COL11A2: variants seen among roughly 807,000 people sequenced by gnomAD.
COL11A2 encodes the protein collagen alpha-2(XI) chain.
A neutral mutation model predicts 273.4 loss-of-function variants in COL11A2; 116 were observed. The ratio of observed to expected loss-of-function variants is 0.42; its 90% CI spans 0.36 to 0.49. The LOEUF is 0.49. Among genes scored for constraint, COL11A2 ranks in the 20% least tolerant of loss-of-function variants. COL11A2 has a pLI of 0.00. For synonymous variants in COL11A2, 782 were observed against 864.2 expected (o/e 0.90, Z 1.67); for missense variants, 1,866 against 2,309.0 (o/e 0.81, Z 3.93).
At chr6:33,174,482 G>A (rs1367844868) in intron 31 of COL11A2, 45 bp downstream of exon 31, 2 of 1,605,288 alleles carry the variant, frequency 1.2e-6, no homozygotes, top group South Asian at 2.2e-5. Flanking sequence ...GAAGCGAAGA[G>A]GAGGAGGGAA....
rs781684563 is a variant in COL11A2, at chr6:33,173,342, A to T, written c.2736+6T>A. ...CTGAGAATGGGTAGCCAGGAGCATCACTCACCACTTCTCCTCTTTGGCCTG... is the reference window on the plus strand; with the variant it reads ...CTGAGAATGGGTAGCCAGGAGCATCTCTCACCACTTCTCCTCTTTGGCCTG... On this transcript the variant is annotated splice_donor_region_variant and intron_variant, in intron 37 of 65. Transcript: ENST00000341947. This position sits in a 1 kb window ranked among gnomAD's most constrained non-coding sequence, Gnocchi z 6.3. 6.2e-6 allele frequency: 10 copies of T among 1,611,106 alleles called. No individual in the cohort carries two copies. Among genetic ancestry groups the T allele is most frequent in the African/African-American group, 1.3e-5 (1 of 74,526 alleles).
In COL11A2 at chr6:33,179,056, A is replaced by AC. The variant is rs34690898; in HGVS notation, c.1611+16dup. Reference sequence around the variant, plus strand: ...CCCTGTCTCCCCACAACACCCATCCACCCCTGGGGCACTCACCCTTCGCCC... The same window carrying AC: ...CCCTGTCTCCCCACAACACCCATCCACCCCCTGGGGCACTCACCCTTCGCCC... On this transcript the variant is annotated intron_variant, in intron 16 of 65. Transcript: ENST00000341947. This position sits in a 1 kb window ranked among gnomAD's most constrained non-coding sequence, Gnocchi z 6.4. The AC allele has an allele frequency of 6.2e-7, 1 of 1,612,864 alleles. No individual in the cohort carries two copies. Among genetic ancestry groups the AC allele is most frequent in the Admixed American group, 1.7e-5 (1 of 59,908 alleles).
In COL11A2 at chr6:33,169,688, G is replaced by T; in HGVS notation, c.3690+143C>A. On this transcript the variant is annotated intron_variant, in intron 50 of 65. Coordinates refer to ENST00000341947, the MANE Select transcript of COL11A2 (RefSeq NM_080680.3). The surrounding 1 kb of genome is among the most constrained non-coding windows in gnomAD (Gnocchi z 5.5). ...GGGAAGAAGGGCTCACTCAGACCAGGGATCAGGCCTCATAGAGGATGGCAG... is the reference window on the plus strand; with the variant it reads ...GGGAAGAAGGGCTCACTCAGACCAGTGATCAGGCCTCATAGAGGATGGCAG... 8.5e-7 allele frequency: 1 copy of T among 1,171,118 alleles called. No homozygotes were observed. Among genetic ancestry groups the T allele is most frequent in the Non-Finnish European group, 1.3e-6 (1 of 780,526 alleles). The allele number at this position is 1,171,118 out of a possible 1,614,324, so 72.5% of individuals were successfully genotyped here.
chr6:33,179,896 G>T lies in COL11A2; in HGVS notation c.1360-91C>A. 2 of 1,243,616 alleles carry T rather than the reference G, an allele frequency of 1.6e-6. No homozygotes were observed. The highest frequency in any genetic ancestry group is 2.3e-6 in the Non-Finnish European group (2 of 858,820). 77.0% of individuals were successfully genotyped at this position (1,243,616 alleles called of 1,614,324 possible). On this transcript the variant is annotated intron_variant, in intron 12 of 65. Coordinates refer to ENST00000341947, the MANE Select transcript of COL11A2 (RefSeq NM_080680.3). The surrounding 1 kb of genome is among the most constrained non-coding windows in gnomAD (Gnocchi z 6.4). ...GCTTTCTCCAGCGTTTCTGCCCCTT[G>T]CCCCAGGTTCTGCCCATCCAGCATT...
chr6:33,175,295 C>T (rs1191511566), intron 30 of COL11A2, among the ~76,000 whole-genome samples: 5 of 152,192 alleles, frequency 3.3e-5, no homozygotes, highest in Non-Finnish European at 5.9e-5. Flanking sequence ...ACTCCTGCTG[C>T]TTGGAGTCCG....
In COL11A2 at chr6:33,169,440, C is replaced by T. The variant is rs1327423821; in HGVS notation, c.3741G>A (p.Glu1247=). 2.5e-6 allele frequency: 4 copies of T among 1,613,010 alleles called. No homozygotes were observed. The highest frequency in any genetic ancestry group is 3.4e-6 in the Non-Finnish European group (4 of 1,180,040). ...GGCCTTTAGGCCCTGGTGGCCCTGG[C>T]TCTCCTGGCTGCCCCGACTCTCCTT... ...GEKGESGQPG[E]PGPPGPKGPT... is the part of the protein sequence containing the mutation. The change falls in exon 51 of 66, where the codon GAG becomes GAA. Residue 1247 remains glutamate (E), a synonymous_variant. Transcript: ENST00000341947. The surrounding 1 kb of genome is among the most constrained non-coding windows in gnomAD (Gnocchi z 5.5).
chr6:33,175,744 G>A (rs920567809), intron 29 of COL11A2, 63 bp from the exon 30 acceptor site: 2 of 1,487,210 alleles, frequency 1.3e-6, no homozygotes, highest in Middle Eastern at 3.7e-4. Context: ...GCCCAGAGGA[G>A]AAATGGGCAA....
In COL11A2 at chr6:33,173,800, G is replaced by C; in HGVS notation, c.2584-55C>G. 6.2e-7 allele frequency: 1 copy of C among 1,608,764 alleles called. No homozygotes were observed. Among genetic ancestry groups the C allele is most frequent in the Non-Finnish European group, 8.5e-7 (1 of 1,175,556 alleles). On this transcript the variant is annotated intron_variant, in intron 34 of 65. Coordinates refer to ENST00000341947, the MANE Select transcript of COL11A2 (RefSeq NM_080680.3). This position sits in a 1 kb window ranked among gnomAD's most constrained non-coding sequence, Gnocchi z 6.3. ...GAAGAGCTGCTTTCCAGCTGTCCCCGAGGTCAGGATGTTGAGGGAGAGCTG... is the reference window on the plus strand; with the variant it reads ...GAAGAGCTGCTTTCCAGCTGTCCCCCAGGTCAGGATGTTGAGGGAGAGCTG...
At chr6:33,180,409 C>T (rs1562365061) in intron 11 of COL11A2, 77 bp from the exon 12 acceptor site, 12 of 1,278,004 alleles carry the variant, frequency 9.4e-6, no homozygotes, top group South Asian at 2.4e-5. Flanking sequence ...TTTGAAATAT[C>T]CTCTTCAACA....
In COL11A2 at chr6:33,178,447, C is replaced by T. The variant is rs1313901088; in HGVS notation, c.1761G>A (p.Glu587=). ...GAQGLPGPPG[E]DGERGDDGEI... Reference sequence around the variant, plus strand: ...CCACTACACTTACCCTCTCTCCATCCTCACCAGGGGGACCAGGAAGGCCCT... The same window carrying T: ...CCACTACACTTACCCTCTCTCCATCTTCACCAGGGGGACCAGGAAGGCCCT... The change falls in exon 19 of 66, where the codon GAG becomes GAA. Residue 587 remains glutamate, a synonymous_variant. Transcript: ENST00000341947. This position sits in a 1 kb window ranked among gnomAD's most constrained non-coding sequence, Gnocchi z 4.6. 1.2e-6 allele frequency: 2 copies of T among 1,612,870 alleles called. No individual in the cohort carries two copies. The highest frequency in any genetic ancestry group is 2.2e-5 in the East Asian group (1 of 44,882).
chr6:33,171,795 G>A lies in COL11A2; in HGVS notation c.3068C>T (p.Ala1023Val), dbSNP rs755840773. 1 of 1,612,962 alleles carries A rather than the reference G, an allele frequency of 6.2e-7. No homozygotes were observed. Among genetic ancestry groups the A allele is most frequent in the Non-Finnish European group, 8.5e-7 (1 of 1,179,986 alleles). ...CGGACCAATGGGTCCCCCTGATCCT[G>A]CTGCACCTCGTTCCCCAGGGGAGCC... is the stretch of plus-strand genomic sequence containing the variant. Reference protein sequence around the residue: ...PAGSPGERGAAGSGGPIGPPG... With the variant: ...PAGSPGERGAVGSGGPIGPPG... Residue 1023 changes from alanine to valine, a missense_variant, in exon 42 of 66, where the codon GCA (alanine) becomes GTA (valine). Coordinates refer to ENST00000341947, the MANE Select transcript of COL11A2 (RefSeq NM_080680.3).
chr6:33,177,547 A>G lies in COL11A2; in HGVS notation c.1918-82T>C. ...AGCATGGAGCTGAGTCCCAGCAGCG[A>G]TAGCCAAGAAGGCAAGAGCAGGAAG... On this transcript the variant is annotated intron_variant, in intron 22 of 65. Transcript: ENST00000341947. The surrounding 1 kb of genome is among the most constrained non-coding windows in gnomAD (Gnocchi z 5.9). The G allele has an allele frequency of 6.3e-7, 1 of 1,589,468 alleles. No homozygotes were observed. Among genetic ancestry groups the G allele is most frequent in the Admixed American group, 1.7e-5 (1 of 59,136 alleles).
chr6:33,193,203 T>C (rs1773384917), upstream of COL11A2, among the ~76,000 whole-genome samples: 1 of 151,978 alleles, frequency 6.6e-6, no homozygotes, highest in African/African-American at 2.4e-5. Context: ...GGGCAACGCC[T>C]GAGAAGCACG....
At chr6:33,191,135 G>A (rs41317106) in intron 1 of COL11A2, among the ~76,000 whole-genome samples, 15,767 of 152,064 alleles carry the variant, frequency 0.1, 1,580 homozygotes, top group African/African-American at 0.26. Context: ...CATGCCAGAG[G>A]ATCCCTCTTC....
At chr6:33,191,468 G>A (rs1773098964) in intron 1 of COL11A2, among the ~76,000 whole-genome samples, 1 of 152,254 alleles carries the variant, frequency 6.6e-6, no homozygotes, top group Admixed American at 6.5e-5. Context: ...AAAGATCAGG[G>A]TTGTGGGCAC....
chr6:33,188,989 T>TAGGCTG lies in COL11A2; in HGVS notation c.426_431dup (p.Ser143_Leu144dup), dbSNP rs765753806. 45 of 1,614,088 alleles carry TAGGCTG rather than the reference T, an allele frequency of 2.8e-5. No homozygotes were observed. The highest frequency in any genetic ancestry group is 3.8e-5 in the Non-Finnish European group (45 of 1,180,044). ...GCAAACAAACTTACTTGCCATCTGCTAGGCTGAGGCCTCGGAAGACTGGCT... is the reference window on the plus strand; with the variant it reads ...GCAAACAAACTTACTTGCCATCTGCTAGGCTGAGGCTGAGGCCTCGGAAGACTGGCT... On this transcript the variant is annotated inframe_insertion, in exon 3 of 66. Coordinates refer to ENST00000341947, the MANE Select transcript of COL11A2 (RefSeq NM_080680.3).
chr6:33,168,261 C>A (rs905222230), intron 54 of COL11A2, among the ~76,000 whole-genome samples: 1 of 151,962 alleles, frequency 6.6e-6, no homozygotes, highest in African/African-American at 2.4e-5. Flanking sequence ...ACCCATCAAC[C>A]CACCAGCTCC....
Position 33,176,295 on chromosome 6 carries a change from G to A in COL11A2, c.2178C>T (p.Asp726=), listed in dbSNP as rs138650682. 6.0e-5 allele frequency: 96 copies of A among 1,606,518 alleles called. No homozygotes were observed. The highest frequency in any genetic ancestry group is 1.7e-4 in the Middle Eastern group (1 of 5,900). The change falls in exon 28 of 66, where the codon GAC becomes GAT. Residue 726 remains aspartate (D), a synonymous_variant. Transcript: ENST00000341947. This position sits in a 1 kb window ranked among gnomAD's most constrained non-coding sequence, Gnocchi z 4.9. ...TATGACCCTTCAGACCCCGAATTCC[G>A]TCCACACCCTAGAATTAGAGAGGGG... The part of the protein sequence containing the change: ...YPGPRGVKGV[D]GIRGLKGHKG...
In COL11A2 at chr6:33,164,802, AG is replaced by A. The variant is rs1768862168; in HGVS notation, c.4863+49del. 6 of 1,340,794 alleles carry A rather than the reference AG, an allele frequency of 4.5e-6. No individual in the cohort carries two copies. Among genetic ancestry groups the A allele is most frequent in the Non-Finnish European group, 6.0e-6 (6 of 998,652 alleles). The allele number at this position is 1,340,794 out of a possible 1,614,324, so 83.1% of individuals were successfully genotyped here. Reference sequence around the variant, plus strand: ...AAAACCCAGAAACCACTAAGCCCTGAGGGGGTGCACTATGGGGCAGGGGAGG... The same window carrying A: ...AAAACCCAGAAACCACTAAGCCCTGAGGGGTGCACTATGGGGCAGGGGAGG... On this transcript the variant is annotated intron_variant, in intron 64 of 65. Coordinates refer to ENST00000341947, the MANE Select transcript of COL11A2 (RefSeq NM_080680.3). This position sits in a 1 kb window ranked among gnomAD's most constrained non-coding sequence, Gnocchi z 4.7.
Sources: gnomAD v4.1 joint callset for allele counts (sites outside exome capture counted in the v4.1 genomes callset) on GRCh38, gnomAD v4.1.1 for gene constraint, Gnocchi (gnomAD v3.1) non-coding constraint, MANE v1.5 for transcripts, NCBI Gene and HGNC (gene_info 2026-07-23, HGNC 2026-07-21) for gene names.